TRAK1: variants seen among roughly 807,000 people sequenced by gnomAD.
The protein encoded by TRAK1 is trafficking kinesin protein 1, also known as trafficking kinesin-binding protein 1.
Under a neutral mutation model 92.1 loss-of-function variants are expected in TRAK1, and 33 were observed. The ratio of observed to expected loss-of-function variants is 0.36; its 90% CI spans 0.27 to 0.48. The LOEUF (loss-of-function observed/expected upper bound fraction) is 0.48. Ranked by LOEUF, TRAK1 falls within the 20% of genes least tolerant of loss-of-function variation. The pLI is 0.99. For synonymous variants in TRAK1, 521 were observed against 517.3 expected (o/e 1.01, Z -0.10); for missense variants, 1,123 against 1,257.9 (o/e 0.89, Z 1.62).
chr3:42,157,107 G>C (rs565049590), intron 2 of TRAK1, among the ~76,000 whole-genome samples: 5 of 151,102 alleles, frequency 3.3e-5, no homozygotes, highest in Non-Finnish European at 5.9e-5. Context: ...AGCAGAGATC[G>C]CACCACTGCA....
At chr3:42,089,303 A>C (rs1704853779), upstream of TRAK1, among the ~76,000 whole-genome samples, 3 of 151,832 alleles carry the variant, frequency 2.0e-5, no homozygotes, top group South Asian at 6.3e-4. Flanking sequence ...CCCCCATCTC[A>C]CACCTGGATG....
intron 1 of TRAK1, among the ~76,000 whole-genome samples, chr3:42,110,094 GTATA>G (rs375315730): frequency 0.096 from 7,998 of 83,140 alleles, 508 homozygotes; most frequent in Non-Finnish European, 0.1. Flanking sequence ...AGAACTTAAA[GTATA>G]TATATATATA....
Position 42,020,131 on chromosome 3 carries a change from A to C in TRAK1, c.-519+6014A>C, listed in dbSNP as rs145998682. On this transcript the variant is annotated intron_variant, in intron 1 of 16. Transcript: ENST00000487159. ...AGAGGACAATGCTCACGAGAGGGAC[A>C]ATGCTGTCTCGGTTTCTGCCTGACT... Among the ~76,000 whole-genome samples the C allele has an allele frequency of 2.8e-3, 423 of 152,276 alleles. 1 individual carries two copies. Among genetic ancestry groups the C allele is most frequent in the East Asian group, 0.018 (93 of 5,180 alleles).
intron 13 of TRAK1, among the ~76,000 whole-genome samples, chr3:42,207,746 G>C (rs981877205): frequency 6.6e-6 from 1 of 152,170 alleles, no homozygotes; most frequent in Admixed American, 6.5e-5. Context: ...AAGCCCCGGC[G>C]TTGTTTGCAC....
chr3:42,195,544 C>T (rs1363918301), intron 10 of TRAK1, among the ~76,000 whole-genome samples: 1 of 152,104 alleles, frequency 6.6e-6, no homozygotes, highest in Non-Finnish European at 1.5e-5. Context: ...TGGCCTTTTC[C>T]TTGGAGCTCT....
At chr3:42,049,955 T>C (rs1702914736) in intron 1 of TRAK1, among the ~76,000 whole-genome samples, 1 of 152,184 alleles carries the variant, frequency 6.6e-6, no homozygotes, top group Non-Finnish European at 1.5e-5. Context: ...TAGTGGTCTT[T>C]GGTTGTCCTC....
upstream of TRAK1, among the ~76,000 whole-genome samples, chr3:42,089,305 A>G (rs1704853961): frequency 2.0e-5 from 3 of 151,962 alleles, no homozygotes; most frequent in Admixed American, 2.0e-4. Context: ...CCCATCTCAC[A>G]CCTGGATGAC....
chr3:42,028,177 G>A (rs1576118422), intron 1 of TRAK1, among the ~76,000 whole-genome samples: 2 of 152,350 alleles, frequency 1.3e-5, no homozygotes, highest in South Asian at 2.1e-4. Flanking sequence ...CAAACTAGTG[G>A]ATACAGGTGC....
At chr3:42,147,173 T>A (rs1054625652) in intron 2 of TRAK1, among the ~76,000 whole-genome samples, 1 of 152,156 alleles carries the variant, frequency 6.6e-6, no homozygotes, top group African/African-American at 2.4e-5. Flanking sequence ...ATGTGTCAGA[T>A]AGCAGGGGCA....
chr3:42,115,045 A>G (rs537444446), intron 1 of TRAK1, among the ~76,000 whole-genome samples: 129 of 152,354 alleles, frequency 8.5e-4, no homozygotes, highest in African/African-American at 2.9e-3. Context: ...TACCAAGACT[A>G]TTGGAAATCA....
chr3:42,211,284 A>C (rs575986241), intron 14 of TRAK1: 1 of 985,372 alleles, frequency 1.0e-6, no homozygotes, highest in African/African-American at 1.7e-5. Flanking sequence ...CTTGGGATCA[A>C]CTTTTCCTTT....
chr3:42,157,589 G>A (rs1299606820), intron 2 of TRAK1, among the ~76,000 whole-genome samples: 1 of 148,108 alleles, frequency 6.8e-6, no homozygotes, highest in Non-Finnish European at 1.5e-5. Flanking sequence ...CTTGCCGAAA[G>A]TTCATAAACA....
chr3:42,039,556 G>T (rs1702457634), intron 1 of TRAK1, among the ~76,000 whole-genome samples: 1 of 152,166 alleles, frequency 6.6e-6, no homozygotes, highest in Non-Finnish European at 1.5e-5. Context: ...TAGAGACAGG[G>T]TTTCGCCATA....
chr3:42,060,699 C>T (rs1198843756), intron 1 of TRAK1, among the ~76,000 whole-genome samples: 4 of 147,654 alleles, frequency 2.7e-5, no homozygotes, highest in Non-Finnish European at 4.4e-5. Context: ...GCGATCTCTA[C>T]GCACTGCAAC....
chr3:42,128,284 AAGG>A (rs1259540667), intron 2 of TRAK1, among the ~76,000 whole-genome samples: 1 of 152,232 alleles, frequency 6.6e-6, no homozygotes, highest in Non-Finnish European at 1.5e-5. Context: ...GTTAAGAAAA[AAGG>A]AGAAATCCTG....
chr3:42,042,266 T>C lies in TRAK1; in HGVS notation c.-519+28149T>C, dbSNP rs528196545. On this transcript the variant is annotated intron_variant, in intron 1 of 16. Transcript: ENST00000487159. ...TGAATGTTTTTATCATGAAAGGGTGTTGAATTTTGTCAAATCCTTTTTCTG... is the reference window on the plus strand; with the variant it reads ...TGAATGTTTTTATCATGAAAGGGTGCTGAATTTTGTCAAATCCTTTTTCTG... Among the ~76,000 whole-genome samples the C allele has an allele frequency of 2.7e-4, 41 of 152,302 alleles. 1 individual carries two copies. The highest frequency in any genetic ancestry group is 6.9e-3 in the Middle Eastern group (2 of 290).
At chr3:42,170,358 T>C (rs943385783) in intron 2 of TRAK1, among the ~76,000 whole-genome samples, 1 of 152,226 alleles carries the variant, frequency 6.6e-6, no homozygotes, top group East Asian at 1.9e-4. Flanking sequence ...TCCCAGGTTC[T>C]GAACCTCTGT....
intron 1 of TRAK1, among the ~76,000 whole-genome samples, chr3:42,101,349 G>A (rs1215872008): frequency 6.6e-6 from 1 of 152,248 alleles, no homozygotes; most frequent in Non-Finnish European, 1.5e-5. Flanking sequence ...GAGTGATTCA[G>A]GAAGGATGCA....
At chr3:42,127,495 T>A (rs2149150068) in intron 2 of TRAK1, among the ~76,000 whole-genome samples, 1 of 151,960 alleles carries the variant, frequency 6.6e-6, no homozygotes. Flanking sequence ...TAGGACTACA[T>A]GTATGTACCA....
Sources: allele counts gnomAD v4.1 joint callset (sites outside exome capture counted in the v4.1 genomes callset), GRCh38; gene constraint gnomAD v4.1.1; transcripts MANE v1.5; gene names NCBI Gene and HGNC (gene_info 2026-07-23, HGNC 2026-07-21).